Variants in PID1 observed in about 807,000 individuals in gnomAD.
The protein encoded by PID1 is phosphotyrosine interaction domain containing 1.
A neutral mutation model predicts 19.1 loss-of-function variants in PID1; 10 were observed. The ratio of observed to expected loss-of-function variants is 0.52; its 90% CI spans 0.32 to 0.89. The LOEUF (loss-of-function observed/expected upper bound fraction) is 0.89, where lower values mean the gene tolerates loss of function less well. Ranked by LOEUF, PID1 falls within the 40% of genes least tolerant of loss-of-function variation. The pLI is 0.03. For missense variants in PID1, 248 were observed against 285.3 expected (o/e 0.87, Z 0.94); for synonymous variants, 130 against 116.0 (o/e 1.12, Z -0.78).
At chr2:229,069,986 A>T (rs1166349038) in intron 2 of PID1, among the ~76,000 whole-genome samples, 5 of 152,242 alleles carry the variant, frequency 3.3e-5, no homozygotes, top group Non-Finnish European at 7.3e-5. Context: ...ACATCTGCAT[A>T]GTATTTTACT....
At chr2:229,052,868 C>G (rs1362133946) in intron 2 of PID1, among the ~76,000 whole-genome samples, 3 of 152,154 alleles carry the variant, frequency 2.0e-5, no homozygotes, top group African/African-American at 7.2e-5. Context: ...TACTTTGAGT[C>G]ATTTGAAAGT....
intron 1 of PID1, among the ~76,000 whole-genome samples, chr2:229,212,132 T>C (rs897738817): frequency 6.6e-6 from 1 of 152,208 alleles, no homozygotes; most frequent in African/African-American, 2.4e-5. Context: ...TCTCTGAATT[T>C]GCATTTTTGG....
In PID1 at chr2:229,047,134, C is replaced by G. The variant is rs960275432; in HGVS notation, c.178-21026G>C. ...CCAGTCCTGTCTGCCGCTGCTCATGCATTTCGGAGCAGCATCACATCCATG... is the reference window on the plus strand; with the variant it reads ...CCAGTCCTGTCTGCCGCTGCTCATGGATTTCGGAGCAGCATCACATCCATG... On this transcript the variant is annotated intron_variant, in intron 2 of 2. Transcript: ENST00000392055. Among the ~76,000 whole-genome samples the G allele has an allele frequency of 5.3e-5, 8 of 152,236 alleles. No individual in the cohort carries two copies. In the South Asian group the frequency reaches 1.7e-3, roughly 32 times the overall value.
At chr2:229,041,456 A>T (rs1046736262) in intron 2 of PID1, among the ~76,000 whole-genome samples, 1 of 152,336 alleles carries the variant, frequency 6.6e-6, no homozygotes, top group South Asian at 2.1e-4. Flanking sequence ...TAGGAAGAAA[A>T]AGAAAAGTTC....
intron 2 of PID1, among the ~76,000 whole-genome samples, chr2:229,095,196 A>G (rs1311945951): frequency 6.6e-6 from 1 of 152,180 alleles, no homozygotes; most frequent in Non-Finnish European, 1.5e-5. Context: ...GAAAACATTT[A>G]GAAAGATTAA....
At chr2:229,147,517 T>C (rs1363558415) in intron 2 of PID1, among the ~76,000 whole-genome samples, 1 of 151,886 alleles carries the variant, frequency 6.6e-6, no homozygotes, top group Non-Finnish European at 1.5e-5. Flanking sequence ...ATAATTATTT[T>C]ATTTTACATT....
intron 1 of PID1, among the ~76,000 whole-genome samples, chr2:229,269,157 G>A (rs181481337): frequency 1.8e-4 from 27 of 150,890 alleles, no homozygotes; most frequent in Admixed American, 1.3e-3. Flanking sequence ...ACAGTGACTC[G>A]GTCTTATTGG....
chr2:229,167,585 T>G (rs575293886), intron 1 of PID1, among the ~76,000 whole-genome samples: 26 of 152,242 alleles, frequency 1.7e-4, no homozygotes, highest in African/African-American at 6.3e-4. Context: ...ACTGACCAGA[T>G]TAAAGAATAC....
chr2:229,067,280 G>T lies in PID1; in HGVS notation c.178-41172C>A, dbSNP rs544064830. 4.6e-5 allele frequency among the ~76,000 whole-genome samples: 7 copies of T among 152,224 alleles called. No individual in the cohort carries two copies. In the South Asian group the frequency reaches 1.5e-3, roughly 32 times the overall value. ...CATGTAGGGGTTATCACAACTCAAG[G>T]TGAGATTTGGGTGGGGACACAGAGC... On this transcript the variant is annotated intron_variant, in intron 2 of 2. Coordinates refer to ENST00000392055, the MANE Select transcript of PID1 (RefSeq NM_001100818.2).
chr2:229,184,995 CATAT>C (rs1559275270), intron 1 of PID1, among the ~76,000 whole-genome samples: 37 of 141,822 alleles, frequency 2.6e-4, no homozygotes, highest in Non-Finnish European at 1.5e-5. Flanking sequence ...ATATATATCC[CATAT>C]ATATACACTA....
chr2:229,204,783 T>C (rs1169585897), intron 1 of PID1, among the ~76,000 whole-genome samples: 1 of 152,104 alleles, frequency 6.6e-6, no homozygotes, highest in Non-Finnish European at 1.5e-5. Flanking sequence ...TGAATCATTA[T>C]GGGTGGTACG....
rs536886797 is a variant in PID1, at chr2:229,025,456, C to T, written c.*176G>A. 1.3e-4 allele frequency: 79 copies of T among 610,148 alleles called. 1 individual carries two copies. The South Asian group carries it at 1.5e-3, about 11-fold the overall frequency. 37.8% of individuals were successfully genotyped at this position (610,148 alleles called of 1,614,324 possible). ...ACAGCAGCAGCAGGTTTCAATGTAA[C>T]GTAATTACTTTAATGATACATTTCT... On this transcript the variant is annotated 3_prime_UTR_variant, in exon 3 of 3. Coordinates refer to ENST00000392055, the MANE Select transcript of PID1 (RefSeq NM_001100818.2).
intron 2 of PID1, among the ~76,000 whole-genome samples, chr2:229,093,760 T>TA (rs1049904710): frequency 3.3e-4 from 22 of 67,270 alleles, no homozygotes; most frequent in African/African-American, 7.1e-4. Flanking sequence ...GGCTTTATGA[T>TA]AAAAAAAAGA....
At chr2:229,038,858 C>T (rs530354023) in intron 2 of PID1, among the ~76,000 whole-genome samples, 92 of 152,288 alleles carry the variant, frequency 6.0e-4, no homozygotes, top group African/African-American at 2.1e-3. Context: ...ACATCTTCTG[C>T]TGTTTGCAAG....
At chr2:229,256,655 T>A (rs771965677) in intron 1 of PID1, among the ~76,000 whole-genome samples, 17 of 152,214 alleles carry the variant, frequency 1.1e-4, no homozygotes, top group Non-Finnish European at 2.2e-4. Flanking sequence ...ACTGAATTCA[T>A]GGGACACACT....
At chr2:229,259,004 C>T (rs1690383595) in intron 1 of PID1, among the ~76,000 whole-genome samples, 1 of 151,526 alleles carries the variant, frequency 6.6e-6, no homozygotes, top group South Asian at 2.1e-4. Flanking sequence ...CCACCAGTAG[C>T]GTATGAAAGT....
At chr2:229,183,367 T>G (rs1234546387) in intron 1 of PID1, among the ~76,000 whole-genome samples, 1 of 152,220 alleles carries the variant, frequency 6.6e-6, no homozygotes, top group Admixed American at 6.5e-5. Flanking sequence ...TAAGCCCTCA[T>G]GATAGTTAAC....
At chr2:229,243,072 T>G (rs559820724) in intron 1 of PID1, among the ~76,000 whole-genome samples, 21 of 152,206 alleles carry the variant, frequency 1.4e-4, no homozygotes, top group African/African-American at 4.8e-4. Context: ...TTTAATGGAC[T>G]AACAGTTCCA....
chr2:229,114,816 C>G (rs2106152650), intron 2 of PID1, among the ~76,000 whole-genome samples: 1 of 152,272 alleles, frequency 6.6e-6, no homozygotes, highest in Non-Finnish European at 1.5e-5. Context: ...AAACAAAGAC[C>G]TGTGTCTTAT....
Sources: gnomAD v4.1 joint callset for allele counts (sites outside exome capture counted in the v4.1 genomes callset) on GRCh38, gnomAD v4.1.1 for gene constraint, MANE v1.5 for transcripts, NCBI Gene and HGNC (gene_info 2026-07-23, HGNC 2026-07-21) for gene names.